Variants in PPIP5K2 observed in about 807,000 individuals in gnomAD.
The protein encoded by PPIP5K2 is inositol hexakisphosphate and diphosphoinositol-pentakisphosphate kinase 2.
A neutral mutation model predicts 154.6 loss-of-function variants in PPIP5K2; 105 were observed. The observed-to-expected ratio is 0.68, with a 90% CI of 0.58 to 0.80. The LOEUF is 0.80. Among genes scored for constraint, PPIP5K2 ranks in the 30% least tolerant of loss-of-function variants. The pLI, the probability that PPIP5K2 is intolerant of heterozygous loss-of-function variation, is 0.00. For synonymous variants in PPIP5K2, 480 were observed against 490.3 expected, an observed-to-expected ratio of 0.98 and a Z score of 0.28; for missense variants, 992 against 1,504.6, an observed-to-expected ratio of 0.66 and a Z score of 5.64.
intron 18 of PPIP5K2, 58 bp downstream of exon 18, chr5:103,167,378 T>G (rs1381692890): frequency 7.4e-7 from 1 of 1,354,774 alleles, no homozygotes; most frequent in Admixed American, 2.5e-5. Flanking sequence ...AATTAAGCAT[T>G]TAATATATGA....
chr5:103,190,743 C>A, intron 28 of PPIP5K2, 99 bp from the exon 29 acceptor site: 1 of 1,105,196 alleles, frequency 9.0e-7, no homozygotes, highest in Non-Finnish European at 1.2e-6. Context: ...ACTGAAAAGA[C>A]CTAAACTGTC....
rs151092745 is a variant in PPIP5K2, at chr5:103,204,122, T to G, written c.*2488T>G. On this transcript the variant is annotated 3_prime_UTR_variant, in exon 31 of 31. Transcript: ENST00000358359. ...TTTTCACCCGGATTTCTTTTTGGGT[T>G]GACTCTGTCTGACCTAAATGTCCAC... is the stretch of plus-strand genomic sequence containing the variant. 57 of 152,360 alleles carry G rather than the reference T, an allele frequency of 3.7e-4. No individual in the cohort carries two copies. The highest frequency in any genetic ancestry group is 1.3e-3 in the African/African-American group (54 of 41,594). The allele number at this position is 152,360 out of a possible 1,614,324, so 9.4% of individuals were successfully genotyped here. A position where few individuals can be genotyped will look rare whatever the true frequency, so the allele number is the denominator to read the frequency against.
intron 2 of PPIP5K2, among the ~76,000 whole-genome samples, chr5:103,129,924 C>A (rs1373244823): frequency 6.6e-6 from 1 of 152,098 alleles, no homozygotes; most frequent in Non-Finnish European, 1.5e-5. Context: ...CAGTGATACG[C>A]ATAGTGTAAC....
intron 6 of PPIP5K2, 57 bp from the exon 7 acceptor site, chr5:103,147,874 A>C: frequency 5.0e-6 from 5 of 1,005,506 alleles, no homozygotes; most frequent in Non-Finnish European, 7.6e-6. Context: ...TCATTTTATC[A>C]TAAAAATGAG....
At chr5:103,127,398 G>T (rs535889472) in intron 1 of PPIP5K2, among the ~76,000 whole-genome samples, 3 of 151,958 alleles carry the variant, frequency 2.0e-5, no homozygotes, top group African/African-American at 4.8e-5. Flanking sequence ...AATTTATTTG[G>T]CTATCTTCCT....
At chr5:103,125,235 G>T (rs1475707080) in intron 1 of PPIP5K2, among the ~76,000 whole-genome samples, 1 of 152,210 alleles carries the variant, frequency 6.6e-6, no homozygotes, top group Non-Finnish European at 1.5e-5. Flanking sequence ...TTTAAGTGAT[G>T]TGGAGTATAG....
intron 23 of PPIP5K2, among the ~76,000 whole-genome samples, chr5:103,178,519 A>T (rs1190121976): frequency 6.6e-6 from 1 of 151,786 alleles, no homozygotes; most frequent in Admixed American, 6.6e-5. Context: ...GATATTGAGT[A>T]TAGAACTCCT....
intron 5 of PPIP5K2, among the ~76,000 whole-genome samples, chr5:103,143,993 A>G (rs910989534): frequency 6.6e-6 from 1 of 152,196 alleles, no homozygotes; most frequent in Non-Finnish European, 1.5e-5. Context: ...AAGGAGTTAC[A>G]TTATTCTTGT....
chr5:103,200,201 TTACTC>T (rs1802757581), intron 30 of PPIP5K2, among the ~76,000 whole-genome samples: 1 of 152,170 alleles, frequency 6.6e-6, no homozygotes, highest in African/African-American at 2.4e-5. Context: ...TCCTTGGACT[TTACTC>T]TGCTCATGCC....
Position 103,161,195 on chromosome 5 carries a change from T to A in PPIP5K2, c.1920+1867T>A, listed in dbSNP as rs1246002453. Reference sequence around the variant, plus strand: ...TCATTGTTCAGTTCCCACCTGTGAGTGAGAACATGCGGTGTTTGGTTTTTT... The same window carrying A: ...TCATTGTTCAGTTCCCACCTGTGAGAGAGAACATGCGGTGTTTGGTTTTTT... On this transcript the variant is annotated intron_variant, in intron 17 of 30. Transcript: ENST00000358359. Among the ~76,000 whole-genome samples the A allele has an allele frequency of 5.5e-5, 8 of 146,040 alleles. No homozygotes were observed. The East Asian group carries it at 1.7e-3, about 30-fold the overall frequency.
intron 18 of PPIP5K2, 73 bp downstream of exon 18, chr5:103,167,393 C>G: frequency 1.6e-6 from 2 of 1,244,778 alleles, no homozygotes; most frequent in Non-Finnish European, 1.1e-6. Context: ...ATATGATGCA[C>G]CAATCTTGTT....
rs1562510599 is a variant in PPIP5K2, at chr5:103,195,032, G to T, written c.3619+7G>T. On this transcript the variant is annotated splice_region_variant and intron_variant, in intron 30 of 30. Coordinates refer to ENST00000358359, the MANE Select transcript of PPIP5K2 (RefSeq NM_001276277.3). ...AAAGCAAGCAGCAAACCAGGTAAGGGGTGTGTGTGTTGAGTTTGTGGATTT... is the reference window on the plus strand; with the variant it reads ...AAAGCAAGCAGCAAACCAGGTAAGGTGTGTGTGTGTTGAGTTTGTGGATTT... 6.2e-7 allele frequency: 1 copy of T among 1,606,674 alleles called. No homozygotes were observed. Among genetic ancestry groups the T allele is most frequent in the Admixed American group, 1.7e-5 (1 of 58,168 alleles).
At chr5:103,142,200 G>T (rs1433350501) in intron 5 of PPIP5K2, among the ~76,000 whole-genome samples, 1 of 152,218 alleles carries the variant, frequency 6.6e-6, no homozygotes, top group African/African-American at 2.4e-5. Context: ...GCTAAGGCTC[G>T]GTGAGAAATC....
At chr5:103,146,002 A>G (rs948409866) in intron 5 of PPIP5K2, among the ~76,000 whole-genome samples, 5 of 152,088 alleles carry the variant, frequency 3.3e-5, no homozygotes, top group African/African-American at 4.8e-5. Context: ...AAAAATATAT[A>G]CAACTACTAT....
At chr5:103,145,477 A>T (rs1294850155) in intron 5 of PPIP5K2, among the ~76,000 whole-genome samples, 2 of 152,156 alleles carry the variant, frequency 1.3e-5, no homozygotes, top group African/African-American at 4.8e-5. Flanking sequence ...TGGAATAGCC[A>T]GTATGGAAAC....
At chr5:103,158,669 C>A in intron 16 of PPIP5K2, 96 bp downstream of exon 16, 1 of 1,049,734 alleles carries the variant, frequency 9.5e-7, no homozygotes, top group Non-Finnish European at 1.3e-6. Context: ...CACCTGTAAT[C>A]CTAGCACTTT....
chr5:103,172,529 C>T (rs1376506722), intron 19 of PPIP5K2, among the ~76,000 whole-genome samples: 1 of 151,470 alleles, frequency 6.6e-6, no homozygotes, highest in African/African-American at 2.4e-5. Context: ...CCTTTCTCCT[C>T]TTCTACTGCT....
At chr5:103,128,984 C>T (rs1016067038) in intron 1 of PPIP5K2, among the ~76,000 whole-genome samples, 3 of 152,002 alleles carry the variant, frequency 2.0e-5, no homozygotes, top group Admixed American at 1.3e-4. Flanking sequence ...AGAGATTTAG[C>T]TTTAATATAA....
chr5:103,139,197 CTTGAG>C (rs1792111978), intron 5 of PPIP5K2, among the ~76,000 whole-genome samples: 2 of 152,136 alleles, frequency 1.3e-5, no homozygotes, highest in South Asian at 2.1e-4. Context: ...ACGTGTTTGT[CTTGAG>C]TTAACATTTC....
Sources: gnomAD v4.1 joint callset for allele counts (sites outside exome capture counted in the v4.1 genomes callset) on GRCh38, gnomAD v4.1.1 for gene constraint, MANE v1.5 for transcripts, NCBI Gene and HGNC (gene_info 2026-07-23, HGNC 2026-07-21) for gene names.